The following UBA3 variants were observed in gnomAD, a reference collection of about 807,000 sequenced individuals.
The protein encoded by UBA3 is ubiquitin like modifier activating enzyme 3.
A neutral mutation model predicts 73.5 loss-of-function variants in UBA3; 26 were observed. The ratio of observed to expected loss-of-function variants is 0.35; its 90% CI spans 0.26 to 0.49. The LOEUF (loss-of-function observed/expected upper bound fraction) is 0.49, where lower values mean the gene tolerates loss of function less well. UBA3 is among the 20% of genes least tolerant of loss of function. The pLI, the probability that UBA3 is intolerant of heterozygous loss-of-function variation, is 0.98. For synonymous variants in UBA3, 217 were observed against 191.2 expected (o/e 1.13, Z -1.11); for missense variants, 495 against 555.6 (o/e 0.89, Z 1.10).
At chr3:69,062,919 A>G in intron 9 of UBA3, 63 bp downstream of exon 9, 3 of 1,571,114 alleles carry the variant, frequency 1.9e-6, no homozygotes, top group South Asian at 1.2e-5. Context: ...ACTAGACTTA[A>G]TAATTAATCC....
intron 5 of UBA3, among the ~76,000 whole-genome samples, chr3:69,069,417 T>G (rs898961262): frequency 6.6e-6 from 1 of 152,160 alleles, no homozygotes; most frequent in Non-Finnish European, 1.5e-5. Context: ...AACCTCTGCC[T>G]CCCAGATTCA....
At chr3:69,058,165 T>C (rs6807035) in intron 11 of UBA3, among the ~76,000 whole-genome samples, 73,923 of 151,544 alleles carry the variant, frequency 0.49, 18,464 homozygotes, top group Admixed American at 0.59. Context: ...ATCCTGACCT[T>C]GTGATCCGCC....
chr3:69,071,277 A>C (rs182893617), intron 5 of UBA3: 34 of 314,314 alleles, frequency 1.1e-4, no homozygotes, highest in African/African-American at 7.2e-4. Flanking sequence ...GGATATTCCC[A>C]AAAATCACAT....
Position 69,056,658 on chromosome 3 carries a change from T to A in UBA3, c.1037A>T (p.Asn346Ile), listed in dbSNP as rs758207974. 1 of 1,613,390 alleles carries A rather than the reference T, an allele frequency of 6.2e-7. No individual in the cohort carries two copies. Among genetic ancestry groups the A allele is most frequent in the South Asian group, 1.1e-5 (1 of 91,052 alleles). The change falls in exon 14 of 18, where the codon AAT (asparagine) becomes ATT (isoleucine). Residue 346 changes from asparagine to isoleucine, a missense_variant. By Grantham distance (149) the Asn-to-Ile change is moderately radical (BLOSUM62 -3). Transcript: ENST00000361055. ...GTATGTATACAGCCCATCTACATCATTAAACACCAAGTAATTATTCAAGGG... is the reference window on the plus strand; with the variant it reads ...GTATGTATACAGCCCATCTACATCAATAAACACCAAGTAATTATTCAAGGG... ...YIPLNNYLVF[N>I]DVDGLYTYTF... is the part of the protein sequence containing the mutation.
At chr3:69,068,083 A>G in intron 5 of UBA3, 75 bp from the exon 6 acceptor site, 1 of 1,003,798 alleles carries the variant, frequency 1.0e-6, no homozygotes, top group Non-Finnish European at 1.4e-6. Context: ...TCAAACATAA[A>G]AGTAAATTCA....
At chr3:69,062,538 C>G (rs2092030441) in intron 9 of UBA3, among the ~76,000 whole-genome samples, 1 of 151,990 alleles carries the variant, frequency 6.6e-6, no homozygotes, top group African/African-American at 2.4e-5. Context: ...TAAGTGAATC[C>G]CAAGTGAATA....
intron 3 of UBA3, chr3:69,077,474 A>C: frequency 4.8e-6 from 1 of 209,112 alleles, no homozygotes; most frequent in Non-Finnish European, 9.9e-6. Context: ...AAGCACACCT[A>C]TACTCCTATC....
chr3:69,057,672 G>A (rs1039750229), intron 11 of UBA3, among the ~76,000 whole-genome samples: 13 of 152,242 alleles, frequency 8.5e-5, no homozygotes, highest in African/African-American at 3.1e-4. Context: ...CATAAGAAAA[G>A]TGAGACTGAG....
At chr3:69,079,785 C>G (rs758811914) in intron 2 of UBA3, 1 of 368,432 alleles carries the variant, frequency 2.7e-6, no homozygotes, top group Non-Finnish European at 4.9e-6. Flanking sequence ...TGCCTTTTCA[C>G]AGGGTCACTG....
At position 69,079,975 on chromosome 3, in the gene UBA3, G is replaced by A. The variant is rs559545233; in HGVS notation, c.62+137C>T. The A allele has an allele frequency of 7.0e-4, 526 of 753,284 alleles. 6 individuals are homozygous for A. In the Admixed American group the frequency reaches 0.016, roughly 23 times the overall value. 46.7% of individuals were successfully genotyped at this position (753,284 alleles called of 1,614,324 possible). A position where few individuals can be genotyped will look rare whatever the true frequency, so the allele number is the denominator to read the frequency against. The stretch of plus-strand genomic sequence containing the variant: ...CCCCGGGGCTGCGGGGCGGGGATCA[G>A]GGGATGAGGCAGCGCGGCCTGCGCT... On this transcript the variant is annotated intron_variant, in intron 2 of 17. Coordinates refer to ENST00000361055, the MANE Select transcript of UBA3 (RefSeq NM_003968.4).
intron 1 of UBA3, 44 bp from the exon 2 acceptor site, chr3:69,080,197 T>C (rs761056277): frequency 9.6e-6 from 8 of 831,564 alleles, no homozygotes; most frequent in Non-Finnish European, 1.5e-5. Flanking sequence ...CGCTACACAC[T>C]GGGCGCCGCG....
chr3:69,056,847 C>A, intron 12 of UBA3, 32 bp from the exon 13 acceptor site: 1 of 1,598,122 alleles, frequency 6.3e-7, no homozygotes, highest in South Asian at 1.1e-5. Flanking sequence ...GGTGCTTTAA[C>A]TCAATGGAAA....
chr3:69,058,625 G>A (rs1451105882), intron 11 of UBA3, among the ~76,000 whole-genome samples: 1 of 152,160 alleles, frequency 6.6e-6, no homozygotes, highest in East Asian at 1.9e-4. Flanking sequence ...TGTACTGAAA[G>A]GAGGAAGTGG....
chr3:69,078,304 A>G (rs947769855), intron 2 of UBA3, among the ~76,000 whole-genome samples: 1 of 152,204 alleles, frequency 6.6e-6, no homozygotes, highest in Non-Finnish European at 1.5e-5. Context: ...CACTTGCATT[A>G]GGAAATATGA....
chr3:69,058,484 TGGAAAGCTTTTTTAAAA>T (rs2091995852), intron 11 of UBA3, among the ~76,000 whole-genome samples: 1 of 152,184 alleles, frequency 6.6e-6, no homozygotes, highest in East Asian at 1.9e-4. Context: ...TTACGAAGGC[TGGAAAGCTTTTTTAAAA>T]AGTTGACTGT....
intron 6 of UBA3, among the ~76,000 whole-genome samples, chr3:69,067,213 C>T (rs996017792): frequency 2.6e-5 from 4 of 152,162 alleles, no homozygotes; most frequent in African/African-American, 9.7e-5. Context: ...GACTATCTCT[C>T]CATTTATTTA....
intron 8 of UBA3, 133 bp from the exon 9 acceptor site, chr3:69,063,270 C>A: frequency 7.7e-7 from 1 of 1,296,054 alleles, no homozygotes; most frequent in Non-Finnish European, 1.1e-6. Context: ...ATTATAATAA[C>A]AATTTGTGTC....
intron 4 of UBA3, among the ~76,000 whole-genome samples, chr3:69,072,838 T>C (rs2092131902): frequency 6.6e-6 from 1 of 152,218 alleles, no homozygotes; most frequent in Admixed American, 6.5e-5. Context: ...TAACTCCATC[T>C]TTCCAGGTGC....
rs1192264822 is a variant in UBA3 at position 69,055,513 on chromosome 3, A to G, written c.1316T>C (p.Val439Ala). The G allele has an allele frequency of 6.3e-7, 1 of 1,581,066 alleles. No homozygotes were observed. Among genetic ancestry groups the G allele is most frequent in the East Asian group, 2.3e-5 (1 of 43,660 alleles). Residue 439 changes from valine to alanine, a missense_variant, in exon 18 of 18, where the codon GTT (valine) becomes GCT (alanine). Coordinates refer to ENST00000361055, the MANE Select transcript of UBA3 (RefSeq NM_003968.4). ...LSKTLKELGL[V>A]DGQELAVADV... ...AGCAACCGCCAGTTCTTGTCCATCA[A>G]CAAGCCCCAATTCTAAAACAGAAAA...
Sources: gnomAD v4.1 joint callset for allele counts (sites outside exome capture counted in the v4.1 genomes callset) on GRCh38, gnomAD v4.1.1 for gene constraint, MANE v1.5 for transcripts, NCBI Gene and HGNC (gene_info 2026-07-23, HGNC 2026-07-21) for gene names.